The following CRYM variants were observed in gnomAD, a reference collection of about 807,000 sequenced individuals.
CRYM encodes the protein ketimine reductase mu-crystallin.
Under a neutral mutation model 32.9 loss-of-function variants are expected in CRYM, and 18 were observed. The ratio of observed to expected loss-of-function variants is 0.55; its 90% CI spans 0.38 to 0.81. The LOEUF (loss-of-function observed/expected upper bound fraction) is 0.81. CRYM is among the 30% of genes least tolerant of loss of function. CRYM has a pLI of 0.00. For synonymous variants in CRYM, 153 were observed against 152.4 expected (o/e 1.00, Z -0.03); for missense variants, 337 against 393.5 (o/e 0.86, Z 1.21).
upstream of CRYM, chr16:21,278,354 G>A: frequency 6.9e-7 from 1 of 1,439,646 alleles, no homozygotes; most frequent in Middle Eastern, 1.9e-4. Flanking sequence ...GCCGCCTGCT[G>A]GTCACAGCCC....
At chr16:21,298,133 G>T (rs867862766) in intron 1 of CRYM, among the ~76,000 whole-genome samples, 7 of 152,170 alleles carry the variant, frequency 4.6e-5, no homozygotes, top group African/African-American at 7.2e-5. Flanking sequence ...TCAGAGAACT[G>T]ATAGGTTAAA....
intron 3 of CRYM, among the ~76,000 whole-genome samples, chr16:21,272,436 T>A (rs2093377514): frequency 6.6e-6 from 1 of 152,192 alleles, no homozygotes; most frequent in Non-Finnish European, 1.5e-5. Context: ...CAAGCTCATG[T>A]ACTTCCTTCA....
chr16:21,283,600 A>T (rs987270624), intron 1 of CRYM: 1 of 150,450 alleles, frequency 6.6e-6, no homozygotes, highest in East Asian at 2.0e-4. Context: ...GGCCAGGACA[A>T]GCAACGGATG....
intron 5 of CRYM, among the ~76,000 whole-genome samples, chr16:21,264,095 G>A (rs1054306102): frequency 2.0e-5 from 3 of 152,168 alleles, no homozygotes; most frequent in African/African-American, 7.2e-5. Context: ...GCATTTATAT[G>A]CCTTCTTCCA....
intron 1 of CRYM, among the ~76,000 whole-genome samples, chr16:21,291,024 G>T (rs1490085109): frequency 1.3e-5 from 2 of 152,144 alleles, no homozygotes; most frequent in Non-Finnish European, 2.9e-5. Context: ...AGAAATCAGG[G>T]GTAGTATACT....
intron 7 of CRYM, 39 bp from the exon 8 acceptor site, chr16:21,258,884 C>T (rs758220013): frequency 5.0e-6 from 8 of 1,595,700 alleles, no homozygotes; most frequent in Non-Finnish European, 6.9e-6. Context: ...TTGGTCAAAA[C>T]AACTTTTCTT....
rs34045013 is a variant in CRYM at position 21,262,091 on chromosome 16, G to A, written c.741C>T (p.Tyr247=). The A allele has an allele frequency of 2.0e-3, 3,229 of 1,614,110 alleles. 55 individuals are homozygous for A. The African/African-American group carries it at 0.038, about 19-fold the overall frequency. The change falls in exon 6 of 8, where the codon TAC becomes TAT. Residue 247 remains tyrosine (Y), a synonymous_variant. Transcript: ENST00000572914. ...DDELMKEAVL[Y]VDSQEAALKE... ...TCAGGGCAGCCTCCTGGGAATCCAC[G>A]TACAGCACAGCTTCTTTCATGAGCT...
At chr16:21,276,199 A>G (rs2093386071) in intron 2 of CRYM, among the ~76,000 whole-genome samples, 1 of 152,182 alleles carries the variant, frequency 6.6e-6, no homozygotes, top group African/African-American at 2.4e-5. Context: ...CCTGTTATTC[A>G]TCTCAGCTGA....
intron 1 of CRYM, chr16:21,300,876 G>A (rs74012159): frequency 0.012 from 1,760 of 152,466 alleles, 36 homozygotes; most frequent in South Asian, 0.074. Context: ...GCGCCAAGAG[G>A]AGCAAGCATT....
chr16:21,276,031 T>A (rs2093385565), intron 2 of CRYM, among the ~76,000 whole-genome samples: 1 of 152,188 alleles, frequency 6.6e-6, no homozygotes, highest in South Asian at 2.1e-4. Context: ...CTGCTGCACA[T>A]GTGGAAAGCT....
At chr16:21,295,831 C>G (rs1960776969) in intron 1 of CRYM, among the ~76,000 whole-genome samples, 1 of 151,918 alleles carries the variant, frequency 6.6e-6, no homozygotes, top group African/African-American at 2.4e-5. Context: ...ACTTGAGAGG[C>G]TGAGGGAGGA....
At chr16:21,287,211 TAGTC>T (rs1359678946) in intron 1 of CRYM, among the ~76,000 whole-genome samples, 4 of 152,220 alleles carry the variant, frequency 2.6e-5, no homozygotes, top group African/African-American at 7.2e-5. Flanking sequence ...TGTAAAATAA[TAGTC>T]ATTCATTTAC....
At chr16:21,267,401 T>C (rs1361723054) in intron 5 of CRYM, among the ~76,000 whole-genome samples, 153 bp downstream of exon 5, 1 of 152,100 alleles carries the variant, frequency 6.6e-6, no homozygotes, top group East Asian at 1.9e-4. Context: ...CCCAGCCAAA[T>C]ATTGTTTTTT....
intron 1 of CRYM, among the ~76,000 whole-genome samples, chr16:21,296,144 G>T (rs533209984): frequency 6.6e-6 from 1 of 152,210 alleles, no homozygotes; most frequent in East Asian, 1.9e-4. Context: ...CACCATATTG[G>T]TCAGGCTGGT....
rs1361495656 is a variant in CRYM, at chr16:21,267,566, C to A, written c.661G>T (p.Ala221Ser). 8.1e-6 allele frequency: 13 copies of A among 1,613,748 alleles called. No individual in the cohort carries two copies. Among genetic ancestry groups the A allele is most frequent in the Non-Finnish European group, 1.1e-5 (13 of 1,179,990 alleles). ...ILFGEWVKPG[A>S]HINAVGASRP... Reference sequence around the variant, plus strand: ...CCACTCTACTTACCATTGATGTGAGCCCCTGGCTTCACCCATTCACCAAAC... The same window carrying A: ...CCACTCTACTTACCATTGATGTGAGACCCTGGCTTCACCCATTCACCAAAC... The change falls in exon 5 of 8, where the codon GCT becomes TCT. Residue 221 changes from alanine (A) to serine (S), a missense_variant. Physicochemically the swap from Ala to Ser is moderately conservative, Grantham distance 99 (BLOSUM62 1). Coordinates refer to ENST00000572914, the MANE Select transcript of CRYM (RefSeq NM_001376256.1).
intron 6 of CRYM, 26 bp downstream of exon 6, chr16:21,262,011 C>A (rs553042848): frequency 6.2e-7 from 1 of 1,613,470 alleles, no homozygotes; most frequent in African/African-American, 1.3e-5. Context: ...AGGTGGCAGC[C>A]CTGACTGGGG....
intron 3 of CRYM, among the ~76,000 whole-genome samples, chr16:21,272,859 G>A (rs1461970074): frequency 9.2e-6 from 1 of 108,772 alleles, no homozygotes; most frequent in Non-Finnish European, 1.8e-5. Flanking sequence ...GTACAGATGG[G>A]GTTTTTCCAT....
intron 2 of CRYM, among the ~76,000 whole-genome samples, chr16:21,276,408 G>A (rs2093386582): frequency 6.6e-6 from 1 of 152,174 alleles, no homozygotes; most frequent in Non-Finnish European, 1.5e-5. Flanking sequence ...TCAAAGGAGT[G>A]TTAAACGGCC....
chr16:21,262,206 C>T, intron 5 of CRYM, 48 bp from the exon 6 acceptor site: 2 of 1,612,710 alleles, frequency 1.2e-6, no homozygotes, highest in Non-Finnish European at 1.7e-6. Context: ...GTGCCAAAGG[C>T]TGCTAAGAAG....
Sources: allele counts gnomAD v4.1 joint callset (sites outside exome capture counted in the v4.1 genomes callset), GRCh38; gene constraint gnomAD v4.1.1; transcripts MANE v1.5; gene names NCBI Gene and HGNC (gene_info 2026-07-23, HGNC 2026-07-21).